Variants in EEIG1 observed in about 807,000 individuals in gnomAD.
EEIG1 encodes estrogen-induced osteoclastogenesis regulator 1.
chr9:127,973,732 C>T, the EEIG1 span, among the ~76,000 whole-genome samples: 1 of 152,228 alleles, frequency 6.6e-6, no homozygotes, highest in East Asian at 1.9e-4. This position sits in a 1 kb window ranked among gnomAD's most constrained non-coding sequence, Gnocchi z 4.2. Flanking sequence ...TGAGGCCACC[C>T]AGCCCTGCCC....
At chr9:127,955,828 C>A in the EEIG1 span, among the ~76,000 whole-genome samples, 3 of 152,370 alleles carry the variant, frequency 2.0e-5, no homozygotes, top group African/African-American at 7.2e-5. Flanking sequence ...TTACCCTGTG[C>A]TCCTGCCAAG....
At chr9:127,955,300 TTC>T in the EEIG1 span, among the ~76,000 whole-genome samples, 4 of 152,296 alleles carry the variant, frequency 2.6e-5, no homozygotes, top group East Asian at 7.7e-4. Context: ...ATGCCACCCC[TTC>T]TACTGCTGAG....
At chr9:127,968,849 G>A in the EEIG1 span, among the ~76,000 whole-genome samples, 1 of 152,208 alleles carries the variant, frequency 6.6e-6, no homozygotes, top group Non-Finnish European at 1.5e-5. Context: ...GCATCAGGCT[G>A]GAGTGTGAGG....
At chr9:127,980,945 A>C in the EEIG1 span, among the ~76,000 whole-genome samples, 19 of 149,138 alleles carry the variant, frequency 1.3e-4, no homozygotes, top group African/African-American at 4.6e-4. Context: ...TGCGGCCCCG[A>C]CGCTGCAGCC....
chr9:127,957,808 T>C, the EEIG1 span, among the ~76,000 whole-genome samples: 4 of 152,364 alleles, frequency 2.6e-5, no homozygotes, highest in East Asian at 5.8e-4. Context: ...GAAATAAACC[T>C]TAGAGACCAG....
the EEIG1 span, among the ~76,000 whole-genome samples, chr9:127,952,838 C>T: frequency 1.3e-5 from 2 of 152,124 alleles, no homozygotes; most frequent in Admixed American, 1.3e-4. Flanking sequence ...CCCAGCCTCC[C>T]GAGTAGCTGG....
the EEIG1 span, among the ~76,000 whole-genome samples, chr9:127,950,208 C>T: frequency 6.6e-6 from 1 of 152,332 alleles, no homozygotes; most frequent in Non-Finnish European, 1.5e-5. Context: ...GTCAGGGCCC[C>T]CTCTCTGAAC....
chr9:127,954,023 G>A, the EEIG1 span: 3 of 1,423,848 alleles, frequency 2.1e-6, no homozygotes, highest in South Asian at 3.7e-5. Context: ...TGGGACTGAG[G>A]CGGTGGGAAG....
the EEIG1 span, among the ~76,000 whole-genome samples, chr9:127,966,853 T>C: frequency 2.0e-5 from 3 of 152,224 alleles, no homozygotes; most frequent in African/African-American, 7.2e-5. Flanking sequence ...AGGCAGTCGC[T>C]GCAGGTCACA....
the EEIG1 span, chr9:127,943,120 G>C: frequency 6.9e-7 from 1 of 1,456,098 alleles, no homozygotes; most frequent in South Asian, 1.1e-5. Flanking sequence ...GAAGGGGAAA[G>C]TTCCTCATGG....
At chr9:127,958,235 A>G in the EEIG1 span, among the ~76,000 whole-genome samples, 1 of 152,212 alleles carries the variant, frequency 6.6e-6, no homozygotes, top group Non-Finnish European at 1.5e-5. Flanking sequence ...TAAGTGTAAG[A>G]GCTAAACTAT....
the EEIG1 span, among the ~76,000 whole-genome samples, chr9:127,979,655 T>C: frequency 6.6e-6 from 1 of 152,132 alleles, no homozygotes; most frequent in African/African-American, 2.4e-5. Flanking sequence ...CCAGTTCGGG[T>C]GCAAGGTGGC....
At chr9:127,972,306 C>T in the EEIG1 span, among the ~76,000 whole-genome samples, 1 of 152,160 alleles carries the variant, frequency 6.6e-6, no homozygotes, top group Non-Finnish European at 1.5e-5. This position sits in a 1 kb window ranked among gnomAD's most constrained non-coding sequence, Gnocchi z 4.3. Flanking sequence ...TCACTCACCC[C>T]CACCCTGCCC....
chr9:127,978,706 G>A, the EEIG1 span, among the ~76,000 whole-genome samples: 4 of 152,030 alleles, frequency 2.6e-5, no homozygotes, highest in Admixed American at 6.6e-5. Context: ...TCGTGGTAGC[G>A]TGCGCCTGTA....
At chr9:127,971,131 C>A in the EEIG1 span, among the ~76,000 whole-genome samples, 7 of 152,220 alleles carry the variant, frequency 4.6e-5, no homozygotes, top group African/African-American at 9.7e-5. Flanking sequence ...GACTTCCGCC[C>A]TCCCTGAGCA....
chr9:127,950,949 T>G, the EEIG1 span, among the ~76,000 whole-genome samples: 235 of 151,868 alleles, frequency 1.5e-3, 10 homozygotes, highest in East Asian at 0.037. Context: ...GGGAAAGTGA[T>G]GGGACACCCC....
At chr9:127,975,974 C>A in the EEIG1 span, among the ~76,000 whole-genome samples, 1 of 152,190 alleles carries the variant, frequency 6.6e-6, no homozygotes, top group African/African-American at 2.4e-5. Flanking sequence ...CCAGTGCCAG[C>A]CCAGGCCTGG....
the EEIG1 span, among the ~76,000 whole-genome samples, chr9:127,963,543 G>A: frequency 6.6e-6 from 1 of 152,264 alleles, no homozygotes; most frequent in Non-Finnish European, 1.5e-5. Context: ...CATCCCAGCA[G>A]TGGAATTTGG....
At chr9:127,953,466 G>T in the EEIG1 span, 15 of 903,482 alleles carry the variant, frequency 1.7e-5, no homozygotes, top group South Asian at 2.0e-4. Flanking sequence ...TCTCAGGTAG[G>T]GCTGAGTGCC....
Sources: allele counts gnomAD v4.1 joint callset (sites outside exome capture counted in the v4.1 genomes callset), GRCh38; gene constraint gnomAD v4.1.1; non-coding constraint Gnocchi (gnomAD v3.1); transcripts MANE v1.5; gene names NCBI Gene and HGNC (gene_info 2026-07-23, HGNC 2026-07-21).